CTNNA3: variants seen among roughly 807,000 people sequenced by gnomAD.
CTNNA3 encodes the protein catenin alpha 3, also known as catenin alpha-3.
In CTNNA3, 76 loss-of-function variants were observed where a neutral mutation model predicts 95.7. The ratio of observed to expected loss-of-function variants is 0.79; its 90% CI spans 0.66 to 0.96. The LOEUF (loss-of-function observed/expected upper bound fraction) is 0.96, where lower values mean the gene tolerates loss of function less well. Ranked by LOEUF, CTNNA3 falls within the 40% of genes least tolerant of loss-of-function variation. CTNNA3 has a pLI of 0.00. For synonymous variants in CTNNA3, 431 were observed against 374.4 expected (o/e 1.15, Z -1.74); for missense variants, 1,191 against 1,089.8 (o/e 1.09, Z -1.31).
intron 12 of CTNNA3, among the ~76,000 whole-genome samples, chr10:66,314,924 C>A (rs1290478145): frequency 6.6e-6 from 1 of 151,870 alleles, no homozygotes; most frequent in African/African-American, 2.4e-5. Flanking sequence ...AAAATAAGTC[C>A]CCTTTAAAAT....
At chr10:67,151,734 C>G (rs1861096122) in intron 7 of CTNNA3, among the ~76,000 whole-genome samples, 1 of 152,212 alleles carries the variant, frequency 6.6e-6, no homozygotes, top group Admixed American at 6.5e-5. Context: ...TTCTGCAGAG[C>G]AGCATCCATA....
At chr10:67,524,749 C>T (rs1179543413) in intron 4 of CTNNA3, among the ~76,000 whole-genome samples, 1 of 152,112 alleles carries the variant, frequency 6.6e-6, no homozygotes, top group East Asian at 1.9e-4. Flanking sequence ...CCCTATTAAA[C>T]ACACCCCATC....
intron 2 of CTNNA3, among the ~76,000 whole-genome samples, chr10:67,631,450 A>C (rs2133437324): frequency 6.6e-6 from 1 of 152,356 alleles, no homozygotes. Flanking sequence ...AAAAATTAAA[A>C]TGTAATTTTG....
At chr10:67,347,346 T>G (rs1013430420) in intron 5 of CTNNA3, among the ~76,000 whole-genome samples, 3 of 152,248 alleles carry the variant, frequency 2.0e-5, no homozygotes, top group African/African-American at 2.4e-5. Context: ...ATTACAGGCA[T>G]GAGACACTGT....
intron 5 of CTNNA3, among the ~76,000 whole-genome samples, chr10:67,453,851 A>G (rs112690112): frequency 0.017 from 2,656 of 152,248 alleles, 84 homozygotes; most frequent in African/African-American, 0.058. Flanking sequence ...AATCCCCTAA[A>G]TGCAAAAGTG....
chr10:67,461,502 A>G (rs1352628267), intron 5 of CTNNA3, among the ~76,000 whole-genome samples: 2 of 152,184 alleles, frequency 1.3e-5, no homozygotes, highest in East Asian at 1.9e-4. Context: ...ATATTTTTCA[A>G]TCAGATTTAT....
chr10:67,442,444 C>A (rs2132936016), intron 5 of CTNNA3, among the ~76,000 whole-genome samples: 1 of 151,962 alleles, frequency 6.6e-6, no homozygotes, highest in African/African-American at 2.4e-5. Context: ...GAGAGAGACC[C>A]AATGATCTGT....
At chr10:66,936,247 A>G (rs1468720771) in intron 7 of CTNNA3, among the ~76,000 whole-genome samples, 1 of 152,150 alleles carries the variant, frequency 6.6e-6, no homozygotes. Flanking sequence ...ATTAAGCTAG[A>G]TATAGACGAA....
intron 1 of CTNNA3, among the ~76,000 whole-genome samples, chr10:67,653,766 G>T (rs1054561638): frequency 4.6e-5 from 7 of 152,014 alleles, no homozygotes; most frequent in Non-Finnish European, 1.0e-4. Context: ...CTGGGCAAAA[G>T]CTTCCCCACC....
chr10:66,397,350 A>G (rs1334242255), intron 11 of CTNNA3, among the ~76,000 whole-genome samples: 2 of 151,740 alleles, frequency 1.3e-5, no homozygotes, highest in African/African-American at 2.4e-5. Context: ...TAACATTTAT[A>G]TATTGCTGAA....
chr10:66,777,920 T>C (rs1840378464), intron 7 of CTNNA3, among the ~76,000 whole-genome samples: 1 of 152,022 alleles, frequency 6.6e-6, no homozygotes, highest in Admixed American at 6.6e-5. Context: ...ATGTCAGCTT[T>C]CTCAGAGCTA....
At chr10:66,843,181 C>G (rs1166994650) in intron 7 of CTNNA3, among the ~76,000 whole-genome samples, 1 of 152,120 alleles carries the variant, frequency 6.6e-6, no homozygotes, top group Non-Finnish European at 1.5e-5. Flanking sequence ...GAAAGAGGGT[C>G]CAAAACCTGA....
chr10:66,461,288 C>G (rs141770551), intron 11 of CTNNA3, among the ~76,000 whole-genome samples: 1 of 151,750 alleles, frequency 6.6e-6, no homozygotes, highest in African/African-American at 2.4e-5. Flanking sequence ...TAGATGAGCC[C>G]GAAAGGGAAG....
At chr10:67,400,504 A>G (rs1844877542) in intron 5 of CTNNA3, among the ~76,000 whole-genome samples, 1 of 152,192 alleles carries the variant, frequency 6.6e-6, no homozygotes, top group Non-Finnish European at 1.5e-5. Context: ...GGGCATCCTG[A>G]TATTCACTCT....
chr10:67,128,405 A>C (rs1392002518), intron 7 of CTNNA3, among the ~76,000 whole-genome samples: 1 of 151,942 alleles, frequency 6.6e-6, no homozygotes, highest in Non-Finnish European at 1.5e-5. Flanking sequence ...ACATCTCTCA[A>C]CTGGGAAACA....
chr10:66,325,148 C>A (rs147195950), intron 12 of CTNNA3, among the ~76,000 whole-genome samples: 2 of 151,880 alleles, frequency 1.3e-5, no homozygotes, highest in African/African-American at 4.8e-5. Context: ...AATAGGCACA[C>A]GAAAGGCAGG....
intron 7 of CTNNA3, among the ~76,000 whole-genome samples, chr10:67,080,173 A>C (rs1248733857): frequency 1.3e-5 from 2 of 152,156 alleles, no homozygotes; most frequent in Non-Finnish European, 2.9e-5. Flanking sequence ...AAGAAAGAAA[A>C]TTATTCCTTT....
At chr10:66,799,544 G>T (rs1363675371) in intron 7 of CTNNA3, among the ~76,000 whole-genome samples, 1 of 151,466 alleles carries the variant, frequency 6.6e-6, no homozygotes, top group Non-Finnish European at 1.5e-5. Flanking sequence ...AAAAGTCAAT[G>T]AAAAATATTT....
At chr10:66,719,854 T>A (rs1848570340) in intron 9 of CTNNA3, among the ~76,000 whole-genome samples, 1 of 152,114 alleles carries the variant, frequency 6.6e-6, no homozygotes, top group African/African-American at 2.4e-5. Flanking sequence ...GGCACCAGTA[T>A]AATTTGATAT....
Sources: gnomAD v4.1 joint callset for allele counts (sites outside exome capture counted in the v4.1 genomes callset) on GRCh38, gnomAD v4.1.1 for gene constraint, MANE v1.5 for transcripts, NCBI Gene and HGNC (gene_info 2026-07-23, HGNC 2026-07-21) for gene names.